Variants in SEMA5A observed in about 807,000 individuals in gnomAD.
SEMA5A encodes the protein semaphorin-5A.
A neutral mutation model predicts 135.5 loss-of-function variants in SEMA5A; 55 were observed. That is an observed-to-expected ratio of 0.41 (90% CI 0.33 to 0.51). SEMA5A has a LOEUF of 0.51. Ranked by LOEUF, SEMA5A falls within the 20% of genes least tolerant of loss-of-function variation. The pLI, the probability that SEMA5A is intolerant of heterozygous loss-of-function variation, is 0.37. For synonymous variants in SEMA5A, 580 were observed against 546.5 expected, an observed-to-expected ratio of 1.06 and a Z score of -0.85; for missense variants, 1,290 against 1,419.9, an observed-to-expected ratio of 0.91 and a Z score of 1.47.
intron 1 of SEMA5A, among the ~76,000 whole-genome samples, chr5:9,527,617 T>C (rs1185675682): frequency 6.6e-6 from 1 of 152,248 alleles, no homozygotes; most frequent in East Asian, 1.9e-4. Flanking sequence ...CAAGAATTTC[T>C]ATTTCTTGAA....
intron 13 of SEMA5A, among the ~76,000 whole-genome samples, chr5:9,123,662 C>T (rs572004113): frequency 6.6e-6 from 1 of 152,270 alleles, no homozygotes; most frequent in African/African-American, 2.4e-5. Context: ...AAAATGAAAG[C>T]TTAGTAACAT....
At chr5:9,141,179 G>A (rs905307275) in intron 12 of SEMA5A, among the ~76,000 whole-genome samples, 2 of 152,084 alleles carry the variant, frequency 1.3e-5, no homozygotes, top group African/African-American at 4.8e-5. Flanking sequence ...TCTAAATTAT[G>A]TCTTAAGAAA....
chr5:9,540,677 C>G (rs573179195), intron 1 of SEMA5A, among the ~76,000 whole-genome samples: 1 of 152,250 alleles, frequency 6.6e-6, no homozygotes, highest in Admixed American at 6.5e-5. Context: ...GTCACGGAAG[C>G]CAGTTGTGAT....
At chr5:9,100,694 G>A (rs1442924941) in intron 16 of SEMA5A, among the ~76,000 whole-genome samples, 4 of 152,052 alleles carry the variant, frequency 2.6e-5, no homozygotes, top group Non-Finnish European at 4.4e-5. Context: ...CAGGGGCCAA[G>A]CTATGATGCC....
chr5:9,161,136 T>G (rs1743230938), intron 11 of SEMA5A, among the ~76,000 whole-genome samples: 1 of 152,140 alleles, frequency 6.6e-6, no homozygotes, highest in Non-Finnish European at 1.5e-5. Flanking sequence ...GGGGAATTTT[T>G]TTTTTTTAAT....
chr5:9,324,261 G>T (rs968037714), intron 4 of SEMA5A, among the ~76,000 whole-genome samples: 2 of 151,490 alleles, frequency 1.3e-5, no homozygotes, highest in Non-Finnish European at 2.9e-5. Context: ...GTAGAGACGG[G>T]GTTTCACCGT....
intron 8 of SEMA5A, among the ~76,000 whole-genome samples, chr5:9,221,548 C>T (rs1173012615): frequency 6.6e-5 from 10 of 151,976 alleles, no homozygotes; most frequent in East Asian, 1.9e-4. Flanking sequence ...GTGATCCGCC[C>T]GCCTCGGCCT....
chr5:9,106,213 A>T (rs1223427442), intron 16 of SEMA5A, among the ~76,000 whole-genome samples: 3 of 152,254 alleles, frequency 2.0e-5, no homozygotes, highest in Non-Finnish European at 4.4e-5. Flanking sequence ...AAGTGACAAT[A>T]GTCTCTTTGG....
At chr5:9,158,720 T>C (rs1260195859) in intron 11 of SEMA5A, among the ~76,000 whole-genome samples, 1 of 152,158 alleles carries the variant, frequency 6.6e-6, no homozygotes, top group Non-Finnish European at 1.5e-5. Context: ...TATTTATAGT[T>C]TCTCTCTCAA....
intron 1 of SEMA5A, among the ~76,000 whole-genome samples, chr5:9,521,852 G>A (rs1239472968): frequency 6.6e-6 from 1 of 152,134 alleles, no homozygotes; most frequent in African/African-American, 2.4e-5. Context: ...ACTCCAAGGA[G>A]GTGACCTAGA....
intron 2 of SEMA5A, among the ~76,000 whole-genome samples, chr5:9,384,667 T>C (rs1445517498): frequency 8.8e-6 from 1 of 113,390 alleles, no homozygotes; most frequent in South Asian, 2.9e-4. Flanking sequence ...TAGATATAGA[T>C]AGATAGATAT....
intron 16 of SEMA5A, among the ~76,000 whole-genome samples, chr5:9,088,164 G>A (rs1288927319): frequency 6.6e-6 from 1 of 151,954 alleles, no homozygotes; most frequent in Non-Finnish European, 1.5e-5. Context: ...AAAATTAGCT[G>A]GGCATGGTGG....
Position 9,346,914 on chromosome 5 carries a change from GTATA to G in SEMA5A, c.125-9106_125-9103del, listed in dbSNP as rs143461409. On this transcript the variant is annotated intron_variant, in intron 3 of 22. Coordinates refer to ENST00000382496, the MANE Select transcript of SEMA5A (RefSeq NM_003966.3). ...TATATGTGTGTGTGTGTGTGTGTGTGTATATATATATATATGTATTTGCCTAAGT... is the reference window on the plus strand; with the variant it reads ...TATATGTGTGTGTGTGTGTGTGTGTGTATATATATATGTATTTGCCTAAGT... Among the ~76,000 whole-genome samples the G allele has an allele frequency of 2.6e-3, 255 of 99,226 alleles. 1 individual carries two copies. The highest frequency in any genetic ancestry group is 5.9e-3 in the African/African-American group (152 of 25,870). 65.1% of individuals were successfully genotyped at this position (99,226 alleles called of 152,430 possible). A position where few individuals can be genotyped will look rare whatever the true frequency, so the allele number is the denominator to read the frequency against.
chr5:9,257,446 T>C (rs1003587758), intron 5 of SEMA5A, among the ~76,000 whole-genome samples: 10 of 125,884 alleles, frequency 7.9e-5, no homozygotes, highest in African/African-American at 2.2e-4. Context: ...CCCACATAGA[T>C]CTTTTTTTTT....
intron 15 of SEMA5A, among the ~76,000 whole-genome samples, chr5:9,112,498 A>C (rs1423893066): frequency 6.6e-6 from 1 of 152,186 alleles, no homozygotes; most frequent in African/African-American, 2.4e-5. Flanking sequence ...TACTGCTATA[A>C]ATTTTTATGG....
At chr5:9,398,980 C>T (rs1243787879) in intron 2 of SEMA5A, among the ~76,000 whole-genome samples, 2 of 152,128 alleles carry the variant, frequency 1.3e-5, no homozygotes, top group Non-Finnish European at 1.5e-5. Flanking sequence ...TCAAAGAAAA[C>T]GCCACATTTT....
chr5:9,323,657 C>CTTTTT (rs35243676), intron 4 of SEMA5A, among the ~76,000 whole-genome samples: 5 of 108,948 alleles, frequency 4.6e-5, no homozygotes, highest in African/African-American at 7.3e-5. Context: ...TCTTTTTTTC[C>CTTTTT]TTTTTTTTTT....
chr5:9,099,281 C>T (rs1739493629), intron 16 of SEMA5A, among the ~76,000 whole-genome samples: 1 of 152,142 alleles, frequency 6.6e-6, no homozygotes, highest in Admixed American at 6.5e-5. Flanking sequence ...TTAACTTTCT[C>T]AAAAAGCTTA....
intron 5 of SEMA5A, among the ~76,000 whole-genome samples, chr5:9,307,809 T>A (rs1751942428): frequency 6.6e-6 from 1 of 152,174 alleles, no homozygotes; most frequent in African/African-American, 2.4e-5. Context: ...CCTCCATTTA[T>A]CTAGCAGCTT....
Sources: gnomAD v4.1 joint callset for allele counts (sites outside exome capture counted in the v4.1 genomes callset) on GRCh38, gnomAD v4.1.1 for gene constraint, MANE v1.5 for transcripts, NCBI Gene and HGNC (gene_info 2026-07-23, HGNC 2026-07-21) for gene names.